The following ELMO2 variants were observed in gnomAD, a reference collection of about 807,000 sequenced individuals.
The protein encoded by ELMO2 is engulfment and cell motility protein 2.
In ELMO2, 37 loss-of-function variants were observed where a neutral mutation model predicts 96.2. The ratio of observed to expected loss-of-function variants is 0.38; its 90% CI spans 0.30 to 0.51. ELMO2 has a LOEUF of 0.51. Ranked by LOEUF, ELMO2 falls within the 20% of genes least tolerant of loss-of-function variation. The probability of loss-of-function intolerance (pLI) is 0.88; values close to 1 mark genes in which losing one functional copy is unlikely to be tolerated. For missense variants in ELMO2, 561 were observed against 912.6 expected (o/e 0.61, Z 4.96); for synonymous variants, 315 against 329.4 (o/e 0.96, Z 0.47).
At chr20:46,374,698 T>G in intron 13 of ELMO2, 58 bp from the exon 14 acceptor site, 1 of 1,484,826 alleles carries the variant, frequency 6.7e-7, no homozygotes, top group Non-Finnish European at 9.4e-7. Context: ...TGCAGGGACC[T>G]GAGGGGATGC....
rs1396491296 is a variant in ELMO2 at position 46,371,958 on chromosome 20, G to A, written c.1428C>T (p.Val476=). Reference sequence around the variant, plus strand: ...AAGCTCGAGTGATTTGCTCTCGGACGACTTGCATAACCTAAGAGGAGAAGA... The same window carrying A: ...AAGCTCGAGTGATTTGCTCTCGGACAACTTGCATAACCTAAGAGGAGAAGA... ...TAEDFNKVMQ[V]VREQITRALP... The change falls in exon 17 of 22, where the codon GTC becomes GTT. Residue 476 remains valine, a synonymous_variant. Transcript: ENST00000290246. The surrounding 1 kb of genome is among the most constrained non-coding windows in gnomAD (Gnocchi z 5.9). 11 of 1,613,736 alleles carry A rather than the reference G, an allele frequency of 6.8e-6. No individual in the cohort carries two copies. The highest frequency in any genetic ancestry group is 5.0e-5 in the Admixed American group (3 of 60,010).
Position 46,379,927 on chromosome 20 carries a change from T to C in ELMO2, c.807+326A>G, listed in dbSNP as rs1333622598. 2.7e-5 allele frequency: 6 copies of C among 222,874 alleles called. No individual in the cohort carries two copies. The East Asian group carries it at 2.9e-4, about 11-fold the overall frequency. The allele number at this position is 222,874 out of a possible 1,614,324, so 13.8% of individuals were successfully genotyped here. A position where few individuals can be genotyped will look rare whatever the true frequency, so the allele number is the denominator to read the frequency against. Reference sequence around the variant, plus strand: ...AATTCAGATTTTTAATCAGTGTCAGTTGGATGAGTTATTTTCCCCCTTTGT... The same window carrying C: ...AATTCAGATTTTTAATCAGTGTCAGCTGGATGAGTTATTTTCCCCCTTTGT... On this transcript the variant is annotated intron_variant, in intron 11 of 21. Transcript: ENST00000290246.
intron 11 of ELMO2, 34 bp downstream of exon 11, chr20:46,380,219 T>C (rs2059931797): frequency 1.3e-6 from 2 of 1,548,880 alleles, no homozygotes; most frequent in Non-Finnish European, 1.8e-6. Flanking sequence ...TTGTTGTTAA[T>C]AGTAATAAAA....
At chr20:46,402,135 C>T (rs990758316) in intron 1 of ELMO2, among the ~76,000 whole-genome samples, 9 of 152,218 alleles carry the variant, frequency 5.9e-5, no homozygotes, top group African/African-American at 2.2e-4. Context: ...ACCATCAACA[C>T]ACACCCCAGG....
chr20:46,386,385 T>A, intron 8 of ELMO2, 110 bp from the exon 9 acceptor site: 1 of 1,429,762 alleles, frequency 7.0e-7, no homozygotes, highest in Non-Finnish European at 9.5e-7. Context: ...TTTGGGCAGC[T>A]GTTGCTAGGT....
chr20:46,401,304 AG>A (rs1055565999), intron 1 of ELMO2, among the ~76,000 whole-genome samples: 4 of 152,190 alleles, frequency 2.6e-5, no homozygotes, highest in Admixed American at 2.6e-4. Flanking sequence ...GCAGAGATTA[AG>A]GTTCTTATGT....
At position 46,393,094 on chromosome 20, in the gene ELMO2, G is replaced by A. The variant is rs1312652437; in HGVS notation, c.242C>T (p.Pro81Leu). 1.9e-5 allele frequency: 31 copies of A among 1,613,644 alleles called. No homozygotes were observed. Among genetic ancestry groups the A allele is most frequent in the Non-Finnish European group, 2.6e-5 (31 of 1,179,698 alleles). Residue 81 changes from proline to leucine, a missense_variant and splice_region_variant, in exon 6 of 22, where the codon CCG becomes CTG. Coordinates refer to ENST00000290246, the MANE Select transcript of ELMO2 (RefSeq NM_133171.5). ...TCCTAAGGAAGAAAGAATACCTACC[G>A]GGGAGATAGCCAGTTGTAAGATTGT... ...NGTILQLAIS[P>L]SRAARQLMER...
At chr20:46,392,130 T>G (rs2060161262) in intron 6 of ELMO2, among the ~76,000 whole-genome samples, 1 of 152,174 alleles carries the variant, frequency 6.6e-6, no homozygotes. Context: ...GTTTACTAAA[T>G]CTCTCTGCTT....
Position 46,371,747 on chromosome 20 carries a change from G to A in ELMO2, c.1581-56C>T, listed in dbSNP as rs1466637005. On this transcript the variant is annotated intron_variant, in intron 17 of 21. Coordinates refer to ENST00000290246, the MANE Select transcript of ELMO2 (RefSeq NM_133171.5). The surrounding 1 kb of genome is among the most constrained non-coding windows in gnomAD (Gnocchi z 5.9). The stretch of plus-strand genomic sequence containing the variant: ...AGGTCATGGGGACAGTGGAGCTCTG[G>A]AAGGAAAGCAGAGCTGGCAGCCACC... 1 of 1,613,234 alleles carries A rather than the reference G, an allele frequency of 6.2e-7. No individual in the cohort carries two copies. Among genetic ancestry groups the A allele is most frequent in the East Asian group, 2.2e-5 (1 of 44,894 alleles).
Position 46,375,267 on chromosome 20 carries a change from T to G in ELMO2, c.1034A>C (p.Tyr345Ser), listed in dbSNP as rs1353771224. 1.9e-6 allele frequency: 3 copies of G among 1,614,166 alleles called. No homozygotes were observed. The highest frequency in any genetic ancestry group is 8.5e-7 in the Non-Finnish European group (1 of 1,180,044). ...TCCCAGCATTTTGTAGTCCTTTGTG[T>G]ACATGGCTTTGCGTTTTTCGGTCCC... ...GSGTEKRKAM[Y>S]TKDYKMLGFT... The change falls in exon 13 of 22, where the codon TAC becomes TCC. Residue 345 changes from tyrosine (Y) to serine (S), a missense_variant. Transcript: ENST00000290246. The surrounding 1 kb of genome is among the most constrained non-coding windows in gnomAD (Gnocchi z 4.6).
At chr20:46,387,235 A>G (rs1174905357) in intron 8 of ELMO2, 103 bp downstream of exon 8, 6 of 939,994 alleles carry the variant, frequency 6.4e-6, no homozygotes, top group Non-Finnish European at 9.7e-6. Context: ...CAGGGAATAT[A>G]AAGCTGATCT....
chr20:46,389,392 T>C (rs1425106697), intron 6 of ELMO2, among the ~76,000 whole-genome samples, 172 bp from the exon 7 acceptor site: 2 of 152,188 alleles, frequency 1.3e-5, no homozygotes, highest in African/African-American at 4.8e-5. Flanking sequence ...AGGGAGTTAT[T>C]AGTATGCCAA....
rs2297054 is a variant in ELMO2 at position 46,370,638 on chromosome 20, A to G, written c.1802-113T>C. ...AGATGCATAGGAAGCCTCAGCCCCA[A>G]ACTCCAAGGGCTGCTGTATGAGCTC... On this transcript the variant is annotated intron_variant, in intron 19 of 21. Transcript: ENST00000290246. The G allele has an allele frequency of 0.092, 88,303 of 962,928 alleles. 5,836 individuals carry two copies. The highest frequency in any genetic ancestry group is 0.29 in the African/African-American group (17,880 of 61,036). 59.6% of individuals were successfully genotyped at this position (962,928 alleles called of 1,614,324 possible). A position where few individuals can be genotyped will look rare whatever the true frequency, so the allele number is the denominator to read the frequency against.
chr20:46,367,445 T>C lies in ELMO2; in HGVS notation c.2078A>G (p.Asp693Gly). The C allele has an allele frequency of 6.2e-7, 1 of 1,613,434 alleles. No homozygotes were observed. The highest frequency in any genetic ancestry group is 8.5e-7 in the Non-Finnish European group (1 of 1,179,790). Residue 693 changes from aspartate (D) to glycine (G), a missense_variant, in exon 22 of 22, where the codon GAC becomes GGC. Coordinates refer to ENST00000290246, the MANE Select transcript of ELMO2 (RefSeq NM_133171.5). ...TTCGGGAATCTGGATGTTCTCCAGG[T>C]CCAGGAGCCGCAGCTTCATCTCCAT... ...LSMEMKLRLL[D>G]LENIQIPEAP...
At chr20:46,387,595 C>A in intron 7 of ELMO2, 158 bp from the exon 8 acceptor site, 1 of 299,080 alleles carries the variant, frequency 3.3e-6, no homozygotes. Flanking sequence ...CACACCTAGC[C>A]AGTGTAGAGC....
chr20:46,388,048 C>T (rs1266962668), intron 7 of ELMO2, among the ~76,000 whole-genome samples: 4 of 152,186 alleles, frequency 2.6e-5, no homozygotes, highest in Non-Finnish European at 4.4e-5. Flanking sequence ...TCTCCTTATA[C>T]ATTTAATCCT....
In ELMO2 at chr20:46,375,154, TGTC is replaced by T; in HGVS notation, c.1065+79_1065+81del. The T allele has an allele frequency of 6.5e-7, 1 of 1,531,668 alleles. No homozygotes were observed. Among genetic ancestry groups the T allele is most frequent in the Non-Finnish European group, 8.8e-7 (1 of 1,139,218 alleles). 94.9% of individuals were successfully genotyped at this position (1,531,668 alleles called of 1,614,324 possible). On this transcript the variant is annotated intron_variant, in intron 13 of 21. Transcript: ENST00000290246. The surrounding 1 kb of genome is among the most constrained non-coding windows in gnomAD (Gnocchi z 4.6). The stretch of plus-strand genomic sequence containing the variant: ...ATTCCAGGGCCACCATGGGGTTGGT[TGTC>T]AGAGCTCTGTCTGGGTGGGACCATT...
chr20:46,367,427 A>C lies in ELMO2; in HGVS notation c.2096T>G (p.Ile699Ser), dbSNP rs1338038536. The C allele has an allele frequency of 1.9e-6, 3 of 1,612,896 alleles. No individual in the cohort carries two copies. The highest frequency in any genetic ancestry group is 2.5e-6 in the Non-Finnish European group (3 of 1,179,606). Residue 699 changes from isoleucine to serine, a missense_variant, in exon 22 of 22, where the codon ATT (isoleucine) becomes AGT (serine). By Grantham distance (142) the Ile-to-Ser change is moderately radical. Coordinates refer to ENST00000290246, the MANE Select transcript of ELMO2 (RefSeq NM_133171.5). ...GGGGATGGGGGGTGGGGCTTCGGGA[A>C]TCTGGATGTTCTCCAGGTCCAGGAG... ...LRLLDLENIQ[I>S]PEAPPPIPKE...
At chr20:46,397,007 C>A (rs1464234089) in intron 2 of ELMO2, among the ~76,000 whole-genome samples, 1 of 152,160 alleles carries the variant, frequency 6.6e-6, no homozygotes, top group Non-Finnish European at 1.5e-5. Context: ...AAACAAACCC[C>A]ATGATTTTTA....
Sources: allele counts gnomAD v4.1 joint callset (sites outside exome capture counted in the v4.1 genomes callset), GRCh38; gene constraint gnomAD v4.1.1; non-coding constraint Gnocchi (gnomAD v3.1); transcripts MANE v1.5; gene names NCBI Gene and HGNC (gene_info 2026-07-23, HGNC 2026-07-21).